The following PRUNE2 variants were observed in gnomAD, a reference collection of about 807,000 sequenced individuals.
The protein encoded by PRUNE2 is protein prune homolog 2.
Under a neutral mutation model 252.0 loss-of-function variants are expected in PRUNE2, and 164 were observed. The observed-to-expected ratio is 0.65, with a 90% CI of 0.57 to 0.74. The LOEUF is 0.74. Ranked by LOEUF, PRUNE2 falls within the 30% of genes least tolerant of loss-of-function variation. PRUNE2 has a pLI of 0.00. For synonymous variants in PRUNE2, 1,292 were observed against 1,350.2 expected (o/e 0.96, Z 0.94); for missense variants, 3,495 against 3,711.0 (o/e 0.94, Z 1.51).
chr9:76,670,222 G>A (rs2041069105), intron 9 of PRUNE2, among the ~76,000 whole-genome samples: 1 of 152,170 alleles, frequency 6.6e-6, no homozygotes, highest in Admixed American at 6.5e-5. Flanking sequence ...AGCAGGGCGA[G>A]GCATTGCCTC....
At chr9:76,638,434 G>C (rs867103710) in intron 12 of PRUNE2, 146 bp from the exon 13 acceptor site, 2 of 616,624 alleles carry the variant, frequency 3.2e-6, no homozygotes, top group Non-Finnish European at 5.8e-6. Context: ...TTGACTATAG[G>C]TCTGTAGGTA....
chr9:76,813,018 T>A (rs140033179), intron 6 of PRUNE2, among the ~76,000 whole-genome samples: 38 of 152,344 alleles, frequency 2.5e-4, no homozygotes, highest in African/African-American at 8.2e-4. Context: ...TCTACTGTTA[T>A]CAATGTTCTT....
At chr9:76,831,801 C>T (rs1023455428) in intron 4 of PRUNE2, among the ~76,000 whole-genome samples, 3 of 152,064 alleles carry the variant, frequency 2.0e-5, no homozygotes, top group African/African-American at 7.2e-5. Context: ...AGAGACAAAG[C>T]ACTTCGATTC....
chr9:76,833,887 T>TG (rs2058810503), intron 4 of PRUNE2, among the ~76,000 whole-genome samples: 8 of 59,660 alleles, frequency 1.3e-4, no homozygotes, highest in African/African-American at 7.1e-5. Flanking sequence ...GGTTTTTTTG[T>TG]TTTTTTTTTT....
intron 1 of PRUNE2, among the ~76,000 whole-genome samples, chr9:76,892,162 C>T (rs1168709550): frequency 6.6e-6 from 1 of 152,180 alleles, no homozygotes; most frequent in Non-Finnish European, 1.5e-5. Flanking sequence ...AGGCAGGCCA[C>T]TTCAGGTTAT....
rs1827790849 is a variant in PRUNE2, at chr9:76,612,637, A to G, written c.*1933T>C. The G allele has an allele frequency of 6.6e-6, 1 of 152,214 alleles. No individual in the cohort carries two copies. Among genetic ancestry groups the G allele is most frequent in the African/African-American group, 2.4e-5 (1 of 41,438 alleles). 9.4% of individuals were successfully genotyped at this position (152,214 alleles called of 1,614,324 possible). Reference sequence around the variant, plus strand: ...TCCAACAAGCCAGATGTTATGAAGGAGGAGATCCAACAGAACATACAATTC... The same window carrying G: ...TCCAACAAGCCAGATGTTATGAAGGGGGAGATCCAACAGAACATACAATTC... On this transcript the variant is annotated 3_prime_UTR_variant, in exon 19 of 19. Coordinates refer to ENST00000376718, the MANE Select transcript of PRUNE2 (RefSeq NM_015225.3).
chr9:76,816,696 T>G lies in PRUNE2; in HGVS notation c.756+6936A>C, dbSNP rs147525406. The stretch of plus-strand genomic sequence containing the variant: ...GTTTGGTTATTTGGAGTTACTATAG[T>G]GCTCAAAAGTAATGCTGTTTTCATT... On this transcript the variant is annotated intron_variant, in intron 6 of 18. Coordinates refer to ENST00000376718, the MANE Select transcript of PRUNE2 (RefSeq NM_015225.3). Among the ~76,000 whole-genome samples, 259 of 152,340 alleles carry G rather than the reference T, an allele frequency of 1.7e-3. 1 individual carries two copies. In the Middle Eastern group the frequency reaches 0.027, roughly 16 times the overall value.
chr9:76,904,195 T>A (rs888684035), intron 1 of PRUNE2, among the ~76,000 whole-genome samples: 1 of 152,134 alleles, frequency 6.6e-6, no homozygotes, highest in Non-Finnish European at 1.5e-5. Context: ...GACATGAAAC[T>A]GGTAACAATA....
chr9:76,799,339 C>A (rs2056372432), intron 6 of PRUNE2, among the ~76,000 whole-genome samples: 1 of 125,500 alleles, frequency 8.0e-6, no homozygotes. Context: ...GAAACTCTGT[C>A]TCAAAAAAAA....
In PRUNE2 at chr9:76,823,651, G is replaced by T; in HGVS notation, c.737C>A (p.Thr246Asn). The change falls in exon 6 of 19, where the codon ACT (threonine) becomes AAT (asparagine). Residue 246 changes from threonine (T) to asparagine (N), a missense_variant. Physicochemically the swap from Thr to Asn is moderately conservative, Grantham distance 65. Coordinates refer to ENST00000376718, the MANE Select transcript of PRUNE2 (RefSeq NM_015225.3). The stretch of plus-strand genomic sequence containing the variant: ...CCTTACCTCAAGGTTCATGCTCACA[G>T]TACTAATGGCCACTTTTATTTCTCC... ...SDGEIKVAIS[T>N]VSMNLENCLF... The T allele has an allele frequency of 6.2e-7, 1 of 1,606,904 alleles. No homozygotes were observed. Among genetic ancestry groups the T allele is most frequent in the Non-Finnish European group, 8.5e-7 (1 of 1,173,586 alleles).
intron 11 of PRUNE2, among the ~76,000 whole-genome samples, chr9:76,651,576 C>G (rs1847405653): frequency 6.6e-6 from 1 of 152,044 alleles, no homozygotes; most frequent in Admixed American, 6.6e-5. Flanking sequence ...TCCACCCTGG[C>G]TAGAACTGAA....
chr9:76,708,078 T>C lies in PRUNE2; in HGVS notation c.4196A>G (p.Glu1399Gly). ...TFSPQTEEPE[E>G]VLEYEEGSYN... ...AGACCCCTCCTCATACTCTAAAACT[T>C]CCTCTGGTTCCTCGGTTTGAGGACT... The change falls in exon 8 of 19, where the codon GAA becomes GGA. Residue 1399 changes from glutamate to glycine, a missense_variant. Physicochemically the swap from Glu to Gly is moderately conservative, Grantham distance 98. Coordinates refer to ENST00000376718, the MANE Select transcript of PRUNE2 (RefSeq NM_015225.3). 6.2e-7 allele frequency: 1 copy of C among 1,613,946 alleles called. No homozygotes were observed. Among genetic ancestry groups the C allele is most frequent in the African/African-American group, 1.3e-5 (1 of 75,024 alleles).
In PRUNE2 at chr9:76,708,127, T is replaced by C. The variant is rs2046441343; in HGVS notation, c.4147A>G (p.Ile1383Val). 2 of 1,613,940 alleles carry C rather than the reference T, an allele frequency of 1.2e-6. No homozygotes were observed. Among genetic ancestry groups the C allele is most frequent in the East Asian group, 4.5e-5 (2 of 44,874 alleles). The part of the protein sequence containing the change: ...HQEICIKSGK[I>V]SSLAVTFSPQ... Reference sequence around the variant, plus strand: ...CTGAAAGTGACAGCAAGAGAGCTGATTTTGCCTGATTTAATGCAGATTTCC... The same window carrying C: ...CTGAAAGTGACAGCAAGAGAGCTGACTTTGCCTGATTTAATGCAGATTTCC... The change falls in exon 8 of 19, where the codon ATC (isoleucine) becomes GTC (valine). Residue 1383 changes from isoleucine (I) to valine (V), a missense_variant. Ile to Val is a conservative substitution (Grantham distance 29). Coordinates refer to ENST00000376718, the MANE Select transcript of PRUNE2 (RefSeq NM_015225.3).
rs1194778660 is a variant in PRUNE2 at position 76,713,582 on chromosome 9, T to C, written c.896A>G (p.Asn299Ser). 6.2e-7 allele frequency: 1 copy of C among 1,610,670 alleles called. No individual in the cohort carries two copies. Among genetic ancestry groups the C allele is most frequent in the Admixed American group, 1.7e-5 (1 of 59,650 alleles). Residue 299 changes from asparagine (N) to serine (S), a missense_variant, in exon 7 of 19, where the codon AAC (asparagine) becomes AGC (serine). Physicochemically the swap from Asn to Ser is conservative, Grantham distance 46. Coordinates refer to ENST00000376718, the MANE Select transcript of PRUNE2 (RefSeq NM_015225.3). ...GCTCACCTGACTGCACAGCTCCATG[T>C]TTTCTGAGTACACAGCAATCTGTCG... The part of the protein sequence containing the change: ...PRRQIAVYSE[N>S]MELCSQICCE...
intron 1 of PRUNE2, among the ~76,000 whole-genome samples, chr9:76,859,686 CTTGTTTGTTTGTTTGT>C (rs35532918): frequency 2.6e-4 from 39 of 150,264 alleles, no homozygotes; most frequent in East Asian, 2.1e-3. Context: ...GGCTAGGGTG[CTTGTTTGTTTGTTTGT>C]TTGTTTGTTT....
chr9:76,665,831 C>T (rs963954199), intron 9 of PRUNE2, among the ~76,000 whole-genome samples: 2 of 151,868 alleles, frequency 1.3e-5, no homozygotes, highest in Non-Finnish European at 2.9e-5. Context: ...GTCAGGAGTT[C>T]GAGATCTGTG....
At chr9:76,724,740 A>G (rs2047961410) in intron 6 of PRUNE2, among the ~76,000 whole-genome samples, 1 of 152,198 alleles carries the variant, frequency 6.6e-6, no homozygotes, top group Non-Finnish European at 1.5e-5. Flanking sequence ...CTCATTAACT[A>G]ACAGCCTAAT....
chr9:76,894,382 C>G (rs1175253102), intron 1 of PRUNE2, among the ~76,000 whole-genome samples: 4 of 152,188 alleles, frequency 2.6e-5, no homozygotes, highest in African/African-American at 9.7e-5. Flanking sequence ...GAATGGGGGA[C>G]AGAACGGGAT....
Position 76,711,230 on chromosome 9 carries a change from A to T in PRUNE2, c.1044T>A (p.Val348=). Residue 348 remains valine, a synonymous_variant, in exon 8 of 19, where the codon GTT becomes GTA. Coordinates refer to ENST00000376718, the MANE Select transcript of PRUNE2 (RefSeq NM_015225.3). ...ACCTCCTGTTGATGACTTCCTTGAC[A>T]ACGAGAACCACCTGATCACAAGTCA... ...PSVTCDQVVL[V]VKEVINRRCP... is the part of the protein sequence containing the mutation. The T allele has an allele frequency of 6.2e-7, 1 of 1,613,938 alleles. No homozygotes were observed. Among genetic ancestry groups the T allele is most frequent in the Non-Finnish European group, 8.5e-7 (1 of 1,179,860 alleles).
Sources: allele counts gnomAD v4.1 joint callset (sites outside exome capture counted in the v4.1 genomes callset), GRCh38; gene constraint gnomAD v4.1.1; transcripts MANE v1.5; gene names NCBI Gene and HGNC (gene_info 2026-07-23, HGNC 2026-07-21).